Variants in CTNNA2 observed in about 807,000 individuals in gnomAD.
The protein encoded by CTNNA2 is catenin alpha-2.
In CTNNA2, 42 loss-of-function variants were observed where a neutral mutation model predicts 101.0. That is an observed-to-expected ratio of 0.42 (90% CI 0.32 to 0.54). The LOEUF (loss-of-function observed/expected upper bound fraction) is 0.54, where lower values mean the gene tolerates loss of function less well. Ranked by LOEUF, CTNNA2 falls within the 20% of genes least tolerant of loss-of-function variation. CTNNA2 has a pLI of 0.14. For synonymous variants in CTNNA2, 450 were observed against 456.4 expected, an observed-to-expected ratio of 0.99 and a Z score of 0.18; for missense variants, 871 against 1,223.1, an observed-to-expected ratio of 0.71 and a Z score of 4.29.
Position 80,065,021 on chromosome 2 carries a change from G to C in CTNNA2, c.1056+155224G>C, listed in dbSNP as rs1287655086. On this transcript the variant is annotated intron_variant, in intron 7 of 18. Coordinates refer to ENST00000402739, the MANE Select transcript of CTNNA2 (RefSeq NM_001282597.3). The stretch of plus-strand genomic sequence containing the variant: ...AATATATAAATTAGTGCAAATGCAA[G>C]TTTATCCTCCAAGTAAAAACCCTTT... Among the ~76,000 whole-genome samples, 3 of 152,162 alleles carry C rather than the reference G, an allele frequency of 2.0e-5. No individual in the cohort carries two copies. In the East Asian group the frequency reaches 5.8e-4, roughly 29 times the overall value.
At chr2:80,431,503 T>A (rs1681503566) in intron 9 of CTNNA2, among the ~76,000 whole-genome samples, 1 of 152,186 alleles carries the variant, frequency 6.6e-6, no homozygotes, top group African/African-American at 2.4e-5. Flanking sequence ...AGGGAAGACA[T>A]GTTCTAGGGT....
intron 7 of CTNNA2, among the ~76,000 whole-genome samples, chr2:80,057,212 C>G (rs1319156456): frequency 6.8e-6 from 1 of 146,500 alleles, no homozygotes; most frequent in East Asian, 2.0e-4. Flanking sequence ...AGACATAACT[C>G]TGTAGATTCA....
intron 4 of CTNNA2, among the ~76,000 whole-genome samples, chr2:79,447,926 G>C (rs1310585669): frequency 2.6e-5 from 4 of 151,982 alleles, no homozygotes; most frequent in African/African-American, 9.7e-5. Flanking sequence ...CCTCCCTTTT[G>C]TAAATAATAC....
At chr2:79,456,325 A>AT (rs1003569669) in intron 4 of CTNNA2, among the ~76,000 whole-genome samples, 4 of 151,828 alleles carry the variant, frequency 2.6e-5, no homozygotes, top group South Asian at 2.1e-4. Flanking sequence ...TAGTCCTTTG[A>AT]TTTTTTCATA....
At chr2:80,615,656 G>T (rs150155456) in intron 17 of CTNNA2, among the ~76,000 whole-genome samples, 85 of 151,662 alleles carry the variant, frequency 5.6e-4, no homozygotes, top group Admixed American at 1.7e-3. Context: ...TTTACTATAT[G>T]CTAGAAATAA....
chr2:79,400,114 G>T (rs1206235471), intron 4 of CTNNA2, among the ~76,000 whole-genome samples: 2 of 152,000 alleles, frequency 1.3e-5, no homozygotes, highest in African/African-American at 4.8e-5. Context: ...AAGCAGGGAG[G>T]GGTCTTCCAG....
At position 80,463,902 on chromosome 2, in the gene CTNNA2, G is replaced by A. The variant is rs1400945143; in HGVS notation, c.1290+44301G>A. On this transcript the variant is annotated intron_variant, in intron 9 of 18. Transcript: ENST00000402739. ...CTGTCTCAAAGTGCTAATGGTCGTG[G>A]AGTCATACTTTTAGGGACTTGTAGC... Among the ~76,000 whole-genome samples, 3 of 152,124 alleles carry A rather than the reference G, an allele frequency of 2.0e-5. No homozygotes were observed. In the East Asian group the frequency reaches 5.8e-4, roughly 29 times the overall value.
intron 9 of CTNNA2, among the ~76,000 whole-genome samples, chr2:80,478,021 A>G (rs944437308): frequency 1.3e-5 from 2 of 152,072 alleles, no homozygotes; most frequent in Non-Finnish European, 2.9e-5. Flanking sequence ...ACAGTGTATA[A>G]GCATTCCCTT....
At chr2:79,771,783 G>T (rs1312942110) in intron 3 of CTNNA2, among the ~76,000 whole-genome samples, 2 of 152,190 alleles carry the variant, frequency 1.3e-5, no homozygotes, top group Non-Finnish European at 2.9e-5. Flanking sequence ...ACCAGTACCA[G>T]TCCATGGCCT....
At chr2:80,608,156 T>G in intron 16 of CTNNA2, 28 bp from the exon 17 acceptor site, 1 of 1,587,678 alleles carries the variant, frequency 6.3e-7, no homozygotes, top group Middle Eastern at 1.7e-4. Context: ...TACTTACTAA[T>G]CAAGATCACT....
At chr2:80,609,196 G>A (rs903829346) in intron 17 of CTNNA2, among the ~76,000 whole-genome samples, 4 of 151,758 alleles carry the variant, frequency 2.6e-5, no homozygotes, top group African/African-American at 9.7e-5. Context: ...AATATTATCA[G>A]CGTGGTGAAT....
intron 2 of CTNNA2, among the ~76,000 whole-genome samples, chr2:79,711,602 G>C (rs913387174): frequency 1.2e-4 from 19 of 152,010 alleles, no homozygotes; most frequent in Admixed American, 1.3e-4. Flanking sequence ...AATTGGAATG[G>C]GTATATACAA....
chr2:79,266,649 G>A (rs1674990841), intron 2 of CTNNA2, among the ~76,000 whole-genome samples: 1 of 150,078 alleles, frequency 6.7e-6, no homozygotes, highest in Non-Finnish European at 1.5e-5. Flanking sequence ...GTGGTGGTAA[G>A]TGAAGATAAA....
chr2:79,505,255 T>G (rs547421199), intron 5 of CTNNA2: 1 of 152,350 alleles, frequency 6.6e-6, no homozygotes, highest in East Asian at 1.9e-4. Flanking sequence ...AATCGTTGGT[T>G]TTTTTCATTT....
intron 2 of CTNNA2, among the ~76,000 whole-genome samples, chr2:79,220,443 C>T (rs757817212): frequency 2.0e-5 from 3 of 152,040 alleles, no homozygotes; most frequent in Non-Finnish European, 4.4e-5. Flanking sequence ...ACCACCTCAA[C>T]GAGCAGCTCC....
intron 1 of CTNNA2, among the ~76,000 whole-genome samples, chr2:79,613,115 G>A (rs1050031485): frequency 9.9e-5 from 15 of 151,654 alleles, no homozygotes; most frequent in East Asian, 1.9e-4. Context: ...CCAATTTTGC[G>A]GAGATGAAAA....
chr2:79,984,589 A>G (rs538433550), intron 7 of CTNNA2, among the ~76,000 whole-genome samples: 4 of 152,318 alleles, frequency 2.6e-5, no homozygotes, highest in African/African-American at 9.6e-5. Flanking sequence ...AGGAAATGCA[A>G]CCGGGTTGAG....
chr2:79,808,599 T>C (rs993325187), intron 3 of CTNNA2, among the ~76,000 whole-genome samples: 3 of 152,208 alleles, frequency 2.0e-5, no homozygotes, highest in African/African-American at 7.2e-5. Context: ...CTCTATTCTT[T>C]TATGAATCAT....
chr2:79,769,413 T>C (rs79442145), intron 3 of CTNNA2, among the ~76,000 whole-genome samples: 2,221 of 152,316 alleles, frequency 0.015, 28 homozygotes, highest in Non-Finnish European at 0.024. Flanking sequence ...TCTGGTTTTG[T>C]TGAAGTGAAA....
Sources: allele counts gnomAD v4.1 joint callset (sites outside exome capture counted in the v4.1 genomes callset), GRCh38; gene constraint gnomAD v4.1.1; transcripts MANE v1.5; gene names NCBI Gene and HGNC (gene_info 2026-07-23, HGNC 2026-07-21).